The following CELSR1 variants were observed in gnomAD, a reference collection of about 807,000 sequenced individuals.
CELSR1 encodes adhesion G protein-coupled receptor C1.
A neutral mutation model predicts 249.1 loss-of-function variants in CELSR1; 110 were observed. The observed-to-expected ratio is 0.44, with a 90% CI of 0.38 to 0.52. The LOEUF is 0.52. Among genes scored for constraint, CELSR1 ranks in the 20% least tolerant of loss-of-function variants. The pLI, the probability that CELSR1 is intolerant of heterozygous loss-of-function variation, is 0.00. For synonymous variants in CELSR1, 2,113 were observed against 1,900.0 expected (o/e 1.11, Z -2.92); for missense variants, 4,109 against 4,296.4 (o/e 0.96, Z 1.22).
rs1290750999 is a variant in CELSR1, at chr22:46,441,021, CG to C, written c.4184-1611del. 6.6e-6 allele frequency among the ~76,000 whole-genome samples: 1 copy of C among 151,946 alleles called. No individual in the cohort carries two copies. Among genetic ancestry groups the C allele is most frequent in the Non-Finnish European group, 1.5e-5 (1 of 67,982 alleles). ...TACAAAAATTAGCCAGGCGTGGTGG[CG>C]GGTGCCTGTAATCCCATCTACTCGG... On this transcript the variant is annotated intron_variant, in intron 2 of 34. Coordinates refer to ENST00000674500, the MANE Select transcript of CELSR1 (RefSeq NM_001378328.1). The surrounding 1 kb of genome is among the most constrained non-coding windows in gnomAD (Gnocchi z 6.1).
At position 46,517,821 on chromosome 22, in the gene CELSR1, G is replaced by T. The variant is rs901330849; in HGVS notation, c.3544+15806C>A. Among the ~76,000 whole-genome samples the T allele has an allele frequency of 6.6e-6, 1 of 152,138 alleles. No homozygotes were observed. The highest frequency in any genetic ancestry group is 2.4e-5 in the African/African-American group (1 of 41,426). On this transcript the variant is annotated intron_variant, in intron 1 of 34. Coordinates refer to ENST00000674500, the MANE Select transcript of CELSR1 (RefSeq NM_001378328.1). This position sits in a 1 kb window ranked among gnomAD's most constrained non-coding sequence, Gnocchi z 5.4. ...TGGCATTGAGACCCAGAGGGAAAGGGAGGGTGAGCTGTCATCTGAAAGCAC... is the reference window on the plus strand; with the variant it reads ...TGGCATTGAGACCCAGAGGGAAAGGTAGGGTGAGCTGTCATCTGAAAGCAC...
At chr22:46,370,537 A>G (rs7291589) in intron 25 of CELSR1, among the ~76,000 whole-genome samples, 15,120 of 152,154 alleles carry the variant, frequency 0.099, 2,471 homozygotes, top group African/African-American at 0.34. Flanking sequence ...AGTGTGACAA[A>G]CCAGATCCGC....
In CELSR1 at chr22:46,434,142, TAATC is replaced by T. The variant is rs750661483; in HGVS notation, c.4523-665_4523-662del. On this transcript the variant is annotated intron_variant, in intron 4 of 34. Coordinates refer to ENST00000674500, the MANE Select transcript of CELSR1 (RefSeq NM_001378328.1). The surrounding 1 kb of genome is among the most constrained non-coding windows in gnomAD (Gnocchi z 4.9). ...AAAACCAATTCCACTTTAGGTCACT[TAATC>T]AAATAAATGTCATCTCAGGCTTTTA... Among the ~76,000 whole-genome samples the T allele has an allele frequency of 2.6e-5, 4 of 152,228 alleles. No individual in the cohort carries two copies. Among genetic ancestry groups the T allele is most frequent in the African/African-American group, 4.8e-5 (2 of 41,446 alleles).
chr22:46,537,150 G>GGGC lies in CELSR1; in HGVS notation c.18_20dup (p.Pro7dup), dbSNP rs572164595. The GGGC allele has an allele frequency of 2.0e-5, 21 of 1,026,150 alleles. No individual in the cohort carries two copies. The highest frequency in any genetic ancestry group is 8.9e-5 in the South Asian group (2 of 22,572). 63.6% of individuals were successfully genotyped at this position (1,026,150 alleles called of 1,614,324 possible). On this transcript the variant is annotated inframe_insertion, in exon 1 of 35. Transcript: ENST00000674500. This position sits in a 1 kb window ranked among gnomAD's most constrained non-coding sequence, Gnocchi z 5.8. Reference sequence around the variant, plus strand: ...CCAGGAGCAGCAGCACGGGCAGCACGGGCGGCGGCGGCGGCGCCATGGCCC... The same window carrying GGGC: ...CCAGGAGCAGCAGCACGGGCAGCACGGGCGGCGGCGGCGGCGGCGCCATGGCCC...
chr22:46,365,418 G>A (rs1314796712), intron 31 of CELSR1, 38 bp from the exon 32 acceptor site: 3 of 1,605,676 alleles, frequency 1.9e-6, no homozygotes, highest in South Asian at 2.2e-5. Context: ...TCAGGCCCTG[G>A]GAGGTGAGGG....
rs1456095590 is a variant in CELSR1 at position 46,396,685 on chromosome 22, G to A, written c.5763C>T (p.Ala1921=). The A allele has an allele frequency of 6.2e-7, 1 of 1,613,166 alleles. No individual in the cohort carries two copies. Among genetic ancestry groups the A allele is most frequent in the Admixed American group, 1.7e-5 (1 of 59,906 alleles). Residue 1921 remains alanine (A), a synonymous_variant, in exon 13 of 35, where the codon GCC becomes GCT. Coordinates refer to ENST00000674500, the MANE Select transcript of CELSR1 (RefSeq NM_001378328.1). This position sits in a 1 kb window ranked among gnomAD's most constrained non-coding sequence, Gnocchi z 6.4. ...CHLNPCENMG[A]CVRSPGSPQG... ...GCGGGGAGCCGGGGGAGCGCACGCA[G>A]GCCCCCATGTTCTCGCAGGGGTTCA...
Position 46,398,508 on chromosome 22 carries a change from C to G in CELSR1, c.5526+16G>C, listed in dbSNP as rs551729262. ...GAGGGGCAGGCCTCCCCCCGCCCCC[C>G]ACAACCCCCACGCACCTGCATGCAG... On this transcript the variant is annotated intron_variant, in intron 11 of 34. Transcript: ENST00000674500. The surrounding 1 kb of genome is among the most constrained non-coding windows in gnomAD (Gnocchi z 7.2). 7 of 1,569,038 alleles carry G rather than the reference C, an allele frequency of 4.5e-6. No homozygotes were observed. In the South Asian group the frequency reaches 5.7e-5, roughly 13 times the overall value.
chr22:46,483,603 TC>T (rs1441526305), intron 1 of CELSR1, among the ~76,000 whole-genome samples: 2 of 151,912 alleles, frequency 1.3e-5, no homozygotes, highest in Non-Finnish European at 2.9e-5. Context: ...CCTCCTGGAG[TC>T]CCCTGAGGAT....
chr22:46,384,085 C>T lies in CELSR1; in HGVS notation c.6883+458G>A, dbSNP rs1602054146. ...GAGTAGCTGGGATTACAGGCGCCCG[C>T]CACCGCAGCTGGCTATTTTTTGTAT... On this transcript the variant is annotated intron_variant, in intron 20 of 34. Transcript: ENST00000674500. 3.9e-5 allele frequency among the ~76,000 whole-genome samples: 6 copies of T among 152,132 alleles called. No homozygotes were observed. The South Asian group carries it at 1.2e-3, about 31-fold the overall frequency.
Position 46,473,300 on chromosome 22 carries a change from C to A in CELSR1, c.3545-8955G>T, listed in dbSNP as rs1046026780. 1.3e-5 allele frequency among the ~76,000 whole-genome samples: 2 copies of A among 152,020 alleles called. No individual in the cohort carries two copies. Among genetic ancestry groups the A allele is most frequent in the African/African-American group, 2.4e-5 (1 of 41,370 alleles). Reference sequence around the variant, plus strand: ...GGCCCAGATTAACCTGAGGCCAAGTCCCCAGTGATGGTGGATGGGAGGGAC... The same window carrying A: ...GGCCCAGATTAACCTGAGGCCAAGTACCCAGTGATGGTGGATGGGAGGGAC... On this transcript the variant is annotated intron_variant, in intron 1 of 34. Coordinates refer to ENST00000674500, the MANE Select transcript of CELSR1 (RefSeq NM_001378328.1). The surrounding 1 kb of genome is among the most constrained non-coding windows in gnomAD (Gnocchi z 6.6).
At chr22:46,510,553 G>A (rs760294127) in intron 1 of CELSR1, among the ~76,000 whole-genome samples, 2 of 152,224 alleles carry the variant, frequency 1.3e-5, no homozygotes, top group East Asian at 1.9e-4. Flanking sequence ...GAGGCGCTGC[G>A]GTAAACGCTG....
At chr22:46,462,445 C>A (rs28360648) in intron 2 of CELSR1, among the ~76,000 whole-genome samples, 24,594 of 152,166 alleles carry the variant, frequency 0.16, 2,058 homozygotes, top group Non-Finnish European at 0.18. Context: ...CTCCCCTGCG[C>A]TCTTCCTGCC....
intron 5 of CELSR1, among the ~76,000 whole-genome samples, chr22:46,414,663 G>A (rs1287545252): frequency 6.6e-6 from 1 of 152,256 alleles, no homozygotes; most frequent in African/African-American, 2.4e-5. Context: ...AGGCCAGCAA[G>A]TGTCACGGAG....
chr22:46,372,147 C>T (rs556333644), intron 25 of CELSR1, among the ~76,000 whole-genome samples: 2 of 151,528 alleles, frequency 1.3e-5, no homozygotes, highest in East Asian at 3.9e-4. Flanking sequence ...CACCCCCATC[C>T]ATCCATCATC....
In CELSR1 at chr22:46,409,717, C is replaced by A; in HGVS notation, c.5059+38G>T. 6.2e-7 allele frequency: 1 copy of A among 1,608,192 alleles called. No individual in the cohort carries two copies. Among genetic ancestry groups the A allele is most frequent in the South Asian group, 1.1e-5 (1 of 91,046 alleles). ...CATCAAGGAGCAATGCCTCCCAGGC[C>A]GCCGTGACCGGGGGGATGGACGACG... On this transcript the variant is annotated intron_variant, in intron 8 of 34. Coordinates refer to ENST00000674500, the MANE Select transcript of CELSR1 (RefSeq NM_001378328.1). This position sits in a 1 kb window ranked among gnomAD's most constrained non-coding sequence, Gnocchi z 9.8.
intron 2 of CELSR1, among the ~76,000 whole-genome samples, chr22:46,439,925 C>A (rs1298615403): frequency 6.6e-6 from 1 of 152,112 alleles, no homozygotes; most frequent in Non-Finnish European, 1.5e-5. Flanking sequence ...GACTGCCGTC[C>A]GCCCTCCCAC....
intron 1 of CELSR1, among the ~76,000 whole-genome samples, chr22:46,496,929 C>T (rs889657323): frequency 2.0e-5 from 3 of 151,912 alleles, no homozygotes; most frequent in African/African-American, 7.3e-5. Context: ...TAAATACATA[C>T]AGTAAATGAC....
At chr22:46,479,784 C>A (rs1291483058) in intron 1 of CELSR1, among the ~76,000 whole-genome samples, 1 of 152,160 alleles carries the variant, frequency 6.6e-6, no homozygotes, top group African/African-American at 2.4e-5. Context: ...AATAAGGTGC[C>A]ATGCCGGAGC....
chr22:46,377,450 G>A, intron 23 of CELSR1, 189 bp from the exon 24 acceptor site: 1 of 625,066 alleles, frequency 1.6e-6, no homozygotes, highest in Non-Finnish European at 2.8e-6. Context: ...CTCCTTCAAT[G>A]CCCTGGGCCC....
Sources: allele counts gnomAD v4.1 joint callset (sites outside exome capture counted in the v4.1 genomes callset), GRCh38; gene constraint gnomAD v4.1.1; non-coding constraint Gnocchi (gnomAD v3.1); transcripts MANE v1.5; gene names NCBI Gene and HGNC (gene_info 2026-07-23, HGNC 2026-07-21).